Variants in DOCK7 observed in about 807,000 individuals in gnomAD.
DOCK7 encodes dedicator of cytokinesis 7.
In DOCK7, 138 loss-of-function variants were observed where a neutral mutation model predicts 271.0. That is an observed-to-expected ratio of 0.51 (90% CI 0.44 to 0.59). The LOEUF is 0.59. DOCK7 is among the 20% of genes least tolerant of loss of function. DOCK7 has a pLI of 0.00. For synonymous variants in DOCK7, 823 were observed against 876.1 expected (o/e 0.94, Z 1.07); for missense variants, 2,066 against 2,592.4 (o/e 0.80, Z 4.41).
intron 18 of DOCK7, among the ~76,000 whole-genome samples, chr1:62,576,548 G>A (rs1431744757): frequency 6.6e-6 from 1 of 152,184 alleles, no homozygotes; most frequent in Non-Finnish European, 1.5e-5. Context: ...AAATTTATTT[G>A]TGAATACATT....
chr1:62,629,100 T>A (rs1468463634), intron 11 of DOCK7: 1 of 152,192 alleles, frequency 6.6e-6, no homozygotes, highest in Non-Finnish European at 1.5e-5. Context: ...GGTAAAGATA[T>A]GCTGAAACTG....
At chr1:62,684,134 G>A (rs561365417) in intron 1 of DOCK7, among the ~76,000 whole-genome samples, 3 of 151,654 alleles carry the variant, frequency 2.0e-5, no homozygotes, top group African/African-American at 4.8e-5. Context: ...GCCTGAACCC[G>A]GGGCAGTGGG....
intron 48 of DOCK7, among the ~76,000 whole-genome samples, chr1:62,467,272 G>A (rs1348178824): frequency 6.6e-6 from 1 of 152,238 alleles, no homozygotes. Flanking sequence ...TGAAATAGTT[G>A]TAGATATGGC....
chr1:62,618,502 G>A (rs1416415325), intron 14 of DOCK7, among the ~76,000 whole-genome samples: 2 of 152,046 alleles, frequency 1.3e-5, no homozygotes, highest in African/African-American at 4.8e-5. Flanking sequence ...GACTAAAAAA[G>A]ATAAAGCATG....
rs757955080 is a variant in DOCK7, at chr1:62,556,019, G to C, written c.2432-30C>G. 1.9e-6 allele frequency: 3 copies of C among 1,603,946 alleles called. No homozygotes were observed. In the African/African-American group the frequency reaches 4.0e-5, roughly 22 times the overall value. On this transcript the variant is annotated intron_variant, in intron 20 of 49. Coordinates refer to ENST00000635253, the MANE Select transcript of DOCK7 (RefSeq NM_001367561.1). ...TAAGAAAGAAGAAGTATTTACCTTT[G>C]CTTTAACTTTTTTTAGACTGTAAAT...
chr1:62,580,125 C>A (rs1220976387), intron 16 of DOCK7, among the ~76,000 whole-genome samples: 2 of 152,160 alleles, frequency 1.3e-5, no homozygotes, highest in Non-Finnish European at 2.9e-5. Flanking sequence ...ATCTTTAAAG[C>A]GAGGTCTGTC....
chr1:62,466,098 A>T (rs556847604), intron 48 of DOCK7, among the ~76,000 whole-genome samples: 1 of 152,210 alleles, frequency 6.6e-6, no homozygotes. Context: ...ACTGACAAAG[A>T]AGCAGCTTCT....
In DOCK7 at chr1:62,667,066, T is replaced by C. The variant is rs561341163; in HGVS notation, c.39-3936A>G. On this transcript the variant is annotated intron_variant, in intron 1 of 49. Transcript: ENST00000635253. ...GAGAAAATTATGTTGCATTTAACCT[T>C]TCTTCTAACCCACTCCTACTTTCAG... is the stretch of plus-strand genomic sequence containing the variant. Among the ~76,000 whole-genome samples, 17 of 152,334 alleles carry C rather than the reference T, an allele frequency of 1.1e-4. No homozygotes were observed. In the South Asian group the frequency reaches 2.1e-3, roughly 19 times the overall value.
rs1411129153 is a variant in DOCK7, at chr1:62,474,096, A to G, written c.6106-8T>C. 1.3e-6 allele frequency: 2 copies of G among 1,599,534 alleles called. No individual in the cohort carries two copies. Among genetic ancestry groups the G allele is most frequent in the Non-Finnish European group, 1.7e-6 (2 of 1,171,718 alleles). ...GGCAACTTCCAAAGGCCCCTGCAAAATAAGAAAATAAGAAGTGTGTTTTTT... is the reference window on the plus strand; with the variant it reads ...GGCAACTTCCAAAGGCCCCTGCAAAGTAAGAAAATAAGAAGTGTGTTTTTT... On this transcript the variant is annotated splice_polypyrimidine_tract_variant and splice_region_variant and intron_variant, in intron 47 of 49. Coordinates refer to ENST00000635253, the MANE Select transcript of DOCK7 (RefSeq NM_001367561.1).
At position 62,494,296 on chromosome 1, in the gene DOCK7, A is replaced by G. The variant is rs779570384; in HGVS notation, c.5196T>C (p.Pro1732=). Reference sequence around the variant, plus strand: ...CTACCTGAAATGTTACACATCCCACAGGAAGATATTTCCGGTCCTCCAGCA... The same window carrying G: ...CTACCTGAAATGTTACACATCCCACGGGAAGATATTTCCGGTCCTCCAGCA... ...LSMLEDRKYL[P]VGCVTFQNIS... The change falls in exon 40 of 50, where the codon CCT becomes CCC. Residue 1732 remains proline, a synonymous_variant. Transcript: ENST00000635253. 3 of 1,599,362 alleles carry G rather than the reference A, an allele frequency of 1.9e-6. No individual in the cohort carries two copies.
At chr1:62,638,313 A>G (rs1284821810) in intron 7 of DOCK7, 1 of 152,124 alleles carries the variant, frequency 6.6e-6, no homozygotes, top group Non-Finnish European at 1.5e-5. Context: ...TTAATGAAGT[A>G]AAATGTGTCA....
Position 62,494,417 on chromosome 1 carries a change from T to C in DOCK7, c.5075A>G (p.Gln1692Arg). Residue 1692 changes from glutamine to arginine, a missense_variant, in exon 40 of 50, where the codon CAG (glutamine) becomes CGG (arginine). Gln to Arg is a conservative substitution (Grantham distance 43). Around this residue, in one of 2 missense-constraint regions of DOCK7, gnomAD observed 652 missense variants for 922.1 expected, o/e 0.71. Coordinates refer to ENST00000635253, the MANE Select transcript of DOCK7 (RefSeq NM_001367561.1). ...TTCTGAGTGCTTGCCTGCCATGTTC[T>C]GCAACCAGGTCAATCGCAGATCTGG... ...TSPDLRLTWL[Q>R]NMAGKHSERS... 6.2e-7 allele frequency: 1 copy of C among 1,612,604 alleles called. No homozygotes were observed. Among genetic ancestry groups the C allele is most frequent in the African/African-American group, 1.3e-5 (1 of 75,040 alleles).
chr1:62,668,172 A>G (rs1464321591), intron 1 of DOCK7, among the ~76,000 whole-genome samples: 1 of 152,254 alleles, frequency 6.6e-6, no homozygotes, highest in Non-Finnish European at 1.5e-5. Flanking sequence ...GTTTACGGGA[A>G]ATACAGAGAA....
At chr1:62,497,755 C>G (rs1169644919) in intron 37 of DOCK7, among the ~76,000 whole-genome samples, 1 of 152,172 alleles carries the variant, frequency 6.6e-6, no homozygotes, top group Non-Finnish European at 1.5e-5. Context: ...AAATGCAGAT[C>G]TGAACATGTT....
intron 34 of DOCK7, among the ~76,000 whole-genome samples, chr1:62,510,336 G>C (rs1459771731): frequency 6.6e-6 from 1 of 152,102 alleles, no homozygotes; most frequent in Non-Finnish European, 1.5e-5. Context: ...TTTTCCAAGA[G>C]GATGTTTTAA....
At chr1:62,663,618 T>C (rs1658939224) in intron 1 of DOCK7, among the ~76,000 whole-genome samples, 1 of 152,194 alleles carries the variant, frequency 6.6e-6, no homozygotes, top group South Asian at 2.1e-4. Context: ...TTGGTCCCCA[T>C]TAGAGTTTCC....
In DOCK7 at chr1:62,648,140, T is replaced by C. The variant is rs572124052; in HGVS notation, c.698A>G (p.Lys233Arg). Residue 233 changes from lysine (K) to arginine (R), a missense_variant, in exon 6 of 50, where the codon AAA (lysine) becomes AGA (arginine). By Grantham distance (26) the Lys-to-Arg change is conservative. This residue lies in a region of DOCK7 where 1,414 missense variants were observed against 1,670.4 expected (regional missense o/e 0.85). Transcript: ENST00000635253. ...NDDQRKSNRH[K>R]ELFALHPSPD... ...TGATGGATGCAAAGCAAAAAGTTCT[T>C]TGTGACGGTTTGATTTCCTTTGGTC... is the stretch of plus-strand genomic sequence containing the variant. 8.1e-6 allele frequency: 13 copies of C among 1,613,504 alleles called. No individual in the cohort carries two copies. In the South Asian group the frequency reaches 1.2e-4, roughly 15 times the overall value.
At chr1:62,592,588 T>A (rs1648610399) in intron 14 of DOCK7, among the ~76,000 whole-genome samples, 1 of 152,074 alleles carries the variant, frequency 6.6e-6, no homozygotes, top group Non-Finnish European at 1.5e-5. Context: ...ATGTAAATAA[T>A]TCCTAAAATT....
intron 27 of DOCK7, 36 bp downstream of exon 27, chr1:62,539,509 T>G (rs748821944): frequency 6.6e-7 from 1 of 1,506,194 alleles, no homozygotes; most frequent in South Asian, 1.2e-5. Flanking sequence ...AGTATTTAAA[T>G]TATTTGATTA....
Sources: gnomAD v4.1 joint callset for allele counts (sites outside exome capture counted in the v4.1 genomes callset) on GRCh38, gnomAD v4.1.1 for gene constraint, gnomAD v4.1.1 regional missense constraint, MANE v1.5 for transcripts, NCBI Gene and HGNC (gene_info 2026-07-23, HGNC 2026-07-21) for gene names.